The following EIF4EBP1 variants were observed in gnomAD, a reference collection of about 807,000 sequenced individuals.
EIF4EBP1 encodes eukaryotic translation initiation factor 4E binding protein 1.
In EIF4EBP1, 5 loss-of-function variants were observed where a neutral mutation model predicts 9.2. The observed-to-expected ratio is 0.54, with a 90% CI of 0.28 to 1.14. The LOEUF is 1.14. Ranked by LOEUF, EIF4EBP1 falls within the 50% of genes most tolerant of loss-of-function variation. The pLI, the probability that EIF4EBP1 is intolerant of heterozygous loss-of-function variation, is 0.09. For missense variants in EIF4EBP1, 139 were observed against 169.6 expected, an observed-to-expected ratio of 0.82 and a Z score of 1.00; for synonymous variants, 62 against 67.0, an observed-to-expected ratio of 0.93 and a Z score of 0.36.
chr8:38,031,350 G>C (rs1328538822), intron 1 of EIF4EBP1, among the ~76,000 whole-genome samples: 1 of 152,128 alleles, frequency 6.6e-6, no homozygotes, highest in Admixed American at 6.5e-5. Flanking sequence ...TTCTGTCCGG[G>C]GAGAGGAGGA....
At chr8:38,039,237 G>T (rs1401911719) in intron 1 of EIF4EBP1, among the ~76,000 whole-genome samples, 4 of 151,602 alleles carry the variant, frequency 2.6e-5, no homozygotes, top group African/African-American at 4.8e-5. Context: ...TCTTCTTCCA[G>T]TGTGGCCCAG....
At chr8:38,040,866 CTGTTGTTGTTGT>C (rs3067026) in intron 1 of EIF4EBP1, among the ~76,000 whole-genome samples, 7 of 151,458 alleles carry the variant, frequency 4.6e-5, no homozygotes, top group African/African-American at 1.5e-4. Flanking sequence ...AAATACATGC[CTGTTGTTGTTGT>C]TGTTGTTGTT....
intron 1 of EIF4EBP1, among the ~76,000 whole-genome samples, chr8:38,050,875 G>A (rs1235626154): frequency 2.0e-5 from 3 of 152,074 alleles, no homozygotes; most frequent in African/African-American, 4.8e-5. Flanking sequence ...GTGGCTAGCT[G>A]GTTTTATTCA....
intron 1 of EIF4EBP1, chr8:38,047,344 A>G (rs1809460740): frequency 6.6e-6 from 1 of 152,210 alleles, no homozygotes; most frequent in African/African-American, 2.4e-5. Flanking sequence ...AGACCAGCAC[A>G]CCTACTTTCA....
intron 1 of EIF4EBP1, among the ~76,000 whole-genome samples, chr8:38,047,696 G>T (rs996736694): frequency 2.0e-5 from 3 of 152,114 alleles, no homozygotes; most frequent in Non-Finnish European, 4.4e-5. Context: ...TGTTGGCCAG[G>T]CTGGTCTCGA....
intron 1 of EIF4EBP1, among the ~76,000 whole-genome samples, chr8:38,038,152 A>T (rs1215369460): frequency 6.6e-6 from 1 of 152,026 alleles, no homozygotes; most frequent in Non-Finnish European, 1.5e-5. Flanking sequence ...ACAATTTTTG[A>T]CTTTACGATG....
At position 38,060,315 on chromosome 8, in the gene EIF4EBP1, C is replaced by A. The variant is rs888102587; in HGVS notation, c.*380C>A. ...GATGTGCTTGGGAAAGCTCCCTCCCCCTCCTTCCCCAAGAGAGGAAATAAA... is the reference window on the plus strand; with the variant it reads ...GATGTGCTTGGGAAAGCTCCCTCCCACTCCTTCCCCAAGAGAGGAAATAAA... On this transcript the variant is annotated 3_prime_UTR_variant, in exon 3 of 3. Coordinates refer to ENST00000338825, the MANE Select transcript of EIF4EBP1 (RefSeq NM_004095.4). 2 of 314,926 alleles carry A rather than the reference C, an allele frequency of 6.4e-6. No homozygotes were observed. The highest frequency in any genetic ancestry group is 4.1e-5 in the South Asian group (1 of 24,146). 19.5% of individuals were successfully genotyped at this position (314,926 alleles called of 1,614,324 possible). A position where few individuals can be genotyped will look rare whatever the true frequency, so the allele number is the denominator to read the frequency against.
chr8:38,060,009 C>A lies in EIF4EBP1; in HGVS notation c.*74C>A. ...CCTGGGAGGAGTCCCACCAGCCAGGCCTTATGAAAGTGATCATACTGGGCA... is the reference window on the plus strand; with the variant it reads ...CCTGGGAGGAGTCCCACCAGCCAGGACTTATGAAAGTGATCATACTGGGCA... On this transcript the variant is annotated 3_prime_UTR_variant, in exon 3 of 3. Transcript: ENST00000338825. 1 of 1,473,566 alleles carries A rather than the reference C, an allele frequency of 6.8e-7. No individual in the cohort carries two copies. Among genetic ancestry groups the A allele is most frequent in the Non-Finnish European group, 9.5e-7 (1 of 1,052,160 alleles). 91.3% of individuals were successfully genotyped at this position (1,473,566 alleles called of 1,614,324 possible).
At chr8:38,049,135 A>G (rs370674989) in intron 1 of EIF4EBP1, among the ~76,000 whole-genome samples, 3 of 151,854 alleles carry the variant, frequency 2.0e-5, no homozygotes, top group African/African-American at 4.8e-5. Context: ...CAAAAAAAAA[A>G]AAAAGAAAAG....
Position 38,054,902 on chromosome 8 carries a change from G to A in EIF4EBP1, c.146-2179G>A, listed in dbSNP as rs1044120006. Among the ~76,000 whole-genome samples the A allele has an allele frequency of 2.6e-5, 4 of 152,178 alleles. No individual in the cohort carries two copies. The East Asian group carries it at 7.7e-4, about 29-fold the overall frequency. On this transcript the variant is annotated intron_variant, in intron 1 of 2. Transcript: ENST00000338825. ...GAGATGGAGGCCCAAAACAGGGGGT[G>A]CAAGGAGCAAGGTGCATAGGGTCAC... is the stretch of plus-strand genomic sequence containing the variant.
chr8:38,059,374 C>G (rs774761055), intron 2 of EIF4EBP1, among the ~76,000 whole-genome samples: 1 of 152,158 alleles, frequency 6.6e-6, no homozygotes, highest in Admixed American at 6.6e-5. Flanking sequence ...TCCACCATGA[C>G]GAAAAGCCCC....
intron 2 of EIF4EBP1, among the ~76,000 whole-genome samples, chr8:38,059,452 A>C: frequency 6.6e-6 from 1 of 152,080 alleles, no homozygotes; most frequent in East Asian, 1.9e-4. Context: ...ACCGCGAGCC[A>C]GTTAAACCTC....
At chr8:38,039,259 G>T (rs1391583853) in intron 1 of EIF4EBP1, among the ~76,000 whole-genome samples, 1 of 151,934 alleles carries the variant, frequency 6.6e-6, no homozygotes, top group Non-Finnish European at 1.5e-5. Context: ...GAAGCCAGAA[G>T]ATTGGACAGC....
At position 38,057,225 on chromosome 8, in the gene EIF4EBP1, ACC is replaced by A; in HGVS notation, c.291_292del (p.Leu98AlafsTer3). 6.2e-7 allele frequency: 1 copy of A among 1,614,010 alleles called. No individual in the cohort carries two copies. Among genetic ancestry groups the A allele is most frequent in the Non-Finnish European group, 8.5e-7 (1 of 1,179,910 alleles). Reference sequence around the variant, plus strand: ...CCCCCCATGGAAGCCAGCCAGAGCCACCTGCGCAATAGCCCAGAAGATAAGCG... The same window carrying A: ...CCCCCCATGGAAGCCAGCCAGAGCCATGCGCAATAGCCCAGAAGATAAGCG... On this transcript the variant is annotated frameshift_variant, in exon 2 of 3. Transcript: ENST00000338825. LOFTEE classifies it high-confidence loss of function.
chr8:38,047,745 A>C (rs1809464923), intron 1 of EIF4EBP1, among the ~76,000 whole-genome samples: 1 of 152,210 alleles, frequency 6.6e-6, no homozygotes, highest in Non-Finnish European at 1.5e-5. Context: ...TTGGCCTCCC[A>C]AAGCACTGAG....
intron 1 of EIF4EBP1, among the ~76,000 whole-genome samples, chr8:38,047,641 C>G (rs890545768): frequency 6.6e-6 from 1 of 152,146 alleles, no homozygotes; most frequent in South Asian, 2.1e-4. Flanking sequence ...CATGCCACCA[C>G]GCCCAGCTAA....
chr8:38,043,609 G>A (rs897605975), intron 1 of EIF4EBP1, among the ~76,000 whole-genome samples: 1 of 151,992 alleles, frequency 6.6e-6, no homozygotes, highest in African/African-American at 2.4e-5. Context: ...GCCTCCCAAA[G>A]TGCTGGGATA....
chr8:38,059,460 C>G (rs1809639977), intron 2 of EIF4EBP1, among the ~76,000 whole-genome samples: 1 of 152,064 alleles, frequency 6.6e-6, no homozygotes. Flanking sequence ...CCAGTTAAAC[C>G]TCTTTTCTTG....
rs1406326522 is a variant in EIF4EBP1 at position 38,031,474 on chromosome 8, AGCCC to A, written c.145+757_145+760del. Reference sequence around the variant, plus strand: ...ACCTGGCATTCCCTCCCAGCCCCGGAGCCCCAGCGCACAGACGCTGATGAAACCT... The same window carrying A: ...ACCTGGCATTCCCTCCCAGCCCCGGACAGCGCACAGACGCTGATGAAACCT... On this transcript the variant is annotated intron_variant, in intron 1 of 2. Transcript: ENST00000338825. 1.2e-4 allele frequency among the ~76,000 whole-genome samples: 18 copies of A among 152,128 alleles called. 1 individual carries two copies. Among genetic ancestry groups the A allele is most frequent in the Admixed American group, 1.2e-3 (18 of 15,268 alleles).
Sources: allele counts gnomAD v4.1 joint callset (sites outside exome capture counted in the v4.1 genomes callset), GRCh38; gene constraint gnomAD v4.1.1; transcripts MANE v1.5; gene names NCBI Gene and HGNC (gene_info 2026-07-23, HGNC 2026-07-21).